DCUN1D5: variants seen among roughly 807,000 people sequenced by gnomAD.
The protein encoded by DCUN1D5 is defective in cullin neddylation 1 domain containing 5.
A neutral mutation model predicts 38.3 loss-of-function variants in DCUN1D5; 10 were observed. The observed-to-expected ratio is 0.26, with a 90% CI of 0.16 to 0.44. The LOEUF (loss-of-function observed/expected upper bound fraction) is 0.44, where lower values mean the gene tolerates loss of function less well. Ranked by LOEUF, DCUN1D5 falls within the 20% of genes least tolerant of loss-of-function variation. DCUN1D5 has a pLI of 1.00. For synonymous variants in DCUN1D5, 93 were observed against 90.9 expected (o/e 1.02, Z -0.13); for missense variants, 148 against 275.3 (o/e 0.54, Z 3.27).
In DCUN1D5 at chr11:103,060,516, G is replaced by C. The variant is rs545275422; in HGVS notation, c.*1843C>G. On this transcript the variant is annotated 3_prime_UTR_variant, in exon 8 of 8. Transcript: ENST00000260247. ...GGCAGGTTCCACAGGGATGACTGTAGGACTTAAGTATGCACAGATTTGGGT... is the reference window on the plus strand; with the variant it reads ...GGCAGGTTCCACAGGGATGACTGTACGACTTAAGTATGCACAGATTTGGGT... Among the ~76,000 whole-genome samples the C allele has an allele frequency of 3.0e-4, 46 of 152,204 alleles. No individual in the cohort carries two copies. The highest frequency in any genetic ancestry group is 5.7e-4 in the Non-Finnish European group (39 of 67,998).
Position 103,083,158 on chromosome 11 carries a change from T to A in DCUN1D5, c.249+98A>T. 1 of 675,486 alleles carries A rather than the reference T, an allele frequency of 1.5e-6. No homozygotes were observed. 41.8% of individuals were successfully genotyped at this position (675,486 alleles called of 1,614,324 possible). A position where few individuals can be genotyped will look rare whatever the true frequency, so the allele number is the denominator to read the frequency against. On this transcript the variant is annotated intron_variant, in intron 3 of 7. Coordinates refer to ENST00000260247, the MANE Select transcript of DCUN1D5 (RefSeq NM_032299.4). The surrounding 1 kb of genome is among the most constrained non-coding windows in gnomAD (Gnocchi z 4.4). Reference sequence around the variant, plus strand: ...ATTTACAATATTAAACATGAAGAAATAAAATCTTCATACAAGATTAAAGTG... The same window carrying A: ...ATTTACAATATTAAACATGAAGAAAAAAAATCTTCATACAAGATTAAAGTG...
rs1398395115 is a variant in DCUN1D5 at position 103,051,238 on chromosome 11, G to A, written c.*11121C>T. 6.6e-6 allele frequency: 1 copy of A among 152,014 alleles called. No homozygotes were observed. Among genetic ancestry groups the A allele is most frequent in the East Asian group, 1.9e-4 (1 of 5,192 alleles). The allele number at this position is 152,014 out of a possible 1,614,324, so 9.4% of individuals were successfully genotyped here. A position where few individuals can be genotyped will look rare whatever the true frequency, so the allele number is the denominator to read the frequency against. On this transcript the variant is annotated 3_prime_UTR_variant, in exon 8 of 8. Coordinates refer to ENST00000260247, the MANE Select transcript of DCUN1D5 (RefSeq NM_032299.4). ...ATGACCAAATTTAAAACAAATTACT[G>A]GTTAAGGAAAAAAATGACTCATTAG...
chr11:103,076,755 T>C (rs553209098), intron 4 of DCUN1D5, among the ~76,000 whole-genome samples: 1 of 152,356 alleles, frequency 6.6e-6, no homozygotes, highest in South Asian at 2.1e-4. Flanking sequence ...ATGTGTTAAA[T>C]GCTTAGCACA....
In DCUN1D5 at chr11:103,065,308, C is replaced by A. The variant is rs952901373; in HGVS notation, c.556-931G>T. 6.6e-6 allele frequency among the ~76,000 whole-genome samples: 1 copy of A among 152,072 alleles called. No individual in the cohort carries two copies. Among genetic ancestry groups the A allele is most frequent in the African/African-American group, 2.4e-5 (1 of 41,414 alleles). ...CTGGGACTACAGGCACAAACCACCA[C>A]ACCCAGCTAATTTTTTGTGTGTATT... On this transcript the variant is annotated intron_variant, in intron 6 of 7. Transcript: ENST00000260247. This position sits in a 1 kb window ranked among gnomAD's most constrained non-coding sequence, Gnocchi z 4.6.
chr11:103,089,847 T>C (rs894885472), intron 1 of DCUN1D5, among the ~76,000 whole-genome samples: 1 of 151,886 alleles, frequency 6.6e-6, no homozygotes, highest in Non-Finnish European at 1.5e-5. Flanking sequence ...TACACAGATT[T>C]AAAAAAAACA....
At chr11:103,085,762 T>G (rs1862690283) in intron 2 of DCUN1D5, among the ~76,000 whole-genome samples, 2 of 152,212 alleles carry the variant, frequency 1.3e-5, no homozygotes, top group Non-Finnish European at 2.9e-5. Flanking sequence ...TAAATTTAAT[T>G]AACTCTTTTG....
chr11:103,089,848 A>T (rs1011944668), intron 1 of DCUN1D5, among the ~76,000 whole-genome samples: 9 of 152,048 alleles, frequency 5.9e-5, no homozygotes, highest in East Asian at 3.9e-4. Context: ...ACACAGATTT[A>T]AAAAAAACAA....
intron 2 of DCUN1D5, among the ~76,000 whole-genome samples, chr11:103,088,166 T>C (rs1055413002): frequency 1.3e-5 from 2 of 152,276 alleles, no homozygotes; most frequent in South Asian, 2.1e-4. Flanking sequence ...TTCCATACAA[T>C]TAGCCTAAAC....
chr11:103,074,024 C>G (rs752337930), intron 4 of DCUN1D5, among the ~76,000 whole-genome samples: 2 of 152,004 alleles, frequency 1.3e-5, no homozygotes, highest in African/African-American at 2.4e-5. Context: ...CAGCCAAGAT[C>G]GCAGCACAGG....
Position 103,052,484 on chromosome 11 carries a change from T to C in DCUN1D5, c.*9875A>G, listed in dbSNP as rs1445500412. ...AACATGGTCTCTGTTCACAGAGCTG[T>C]TTCCTTTTTAAGGATCATAATCTTC... On this transcript the variant is annotated 3_prime_UTR_variant, in exon 8 of 8. Coordinates refer to ENST00000260247, the MANE Select transcript of DCUN1D5 (RefSeq NM_032299.4). The C allele has an allele frequency of 6.6e-6, 1 of 152,186 alleles. No homozygotes were observed. The highest frequency in any genetic ancestry group is 6.5e-5 in the Admixed American group (1 of 15,276). 9.4% of individuals were successfully genotyped at this position (152,186 alleles called of 1,614,324 possible). A position where few individuals can be genotyped will look rare whatever the true frequency, so the allele number is the denominator to read the frequency against.
Position 103,087,328 on chromosome 11 carries a change from G to A in DCUN1D5, c.178+1899C>T, listed in dbSNP as rs576832491. Among the ~76,000 whole-genome samples, 2 of 151,882 alleles carry A rather than the reference G, an allele frequency of 1.3e-5. No individual in the cohort carries two copies. Among genetic ancestry groups the A allele is most frequent in the East Asian group, 3.9e-4 (2 of 5,164 alleles). On this transcript the variant is annotated intron_variant, in intron 2 of 7. Coordinates refer to ENST00000260247, the MANE Select transcript of DCUN1D5 (RefSeq NM_032299.4). The surrounding 1 kb of genome is among the most constrained non-coding windows in gnomAD (Gnocchi z 4.1). ...TGGGACTACAGGCGCACACCACCAC[G>A]CCCGGCTAATTGTTTGTGTTTTTGG...
In DCUN1D5 at chr11:103,090,316, A is replaced by T. The variant is rs370017412; in HGVS notation, c.87-998T>A. Among the ~76,000 whole-genome samples, 213 of 152,340 alleles carry T rather than the reference A, an allele frequency of 1.4e-3. 2 individuals carry two copies. Among genetic ancestry groups the T allele is most frequent in the African/African-American group, 5.0e-3 (208 of 41,574 alleles). On this transcript the variant is annotated intron_variant, in intron 1 of 7. Coordinates refer to ENST00000260247, the MANE Select transcript of DCUN1D5 (RefSeq NM_032299.4). ...TGAGCTACTAAAGTAACCATGTCAA[A>T]TTCTAATGTTGACAAACAAGAGGTG...
In DCUN1D5 at chr11:103,083,253, T is replaced by C; in HGVS notation, c.249+3A>G. On this transcript the variant is annotated splice_donor_region_variant and intron_variant, in intron 3 of 7. Coordinates refer to ENST00000260247, the MANE Select transcript of DCUN1D5 (RefSeq NM_032299.4). The surrounding 1 kb of genome is among the most constrained non-coding windows in gnomAD (Gnocchi z 4.4). ...TGCCATTCTACTTAGAAATAAAACATACATTTTCAGGTTCAACACCAATGT... is the reference window on the plus strand; with the variant it reads ...TGCCATTCTACTTAGAAATAAAACACACATTTTCAGGTTCAACACCAATGT... 1 of 1,531,840 alleles carries C rather than the reference T, an allele frequency of 6.5e-7. No individual in the cohort carries two copies. The highest frequency in any genetic ancestry group is 9.0e-7 in the Non-Finnish European group (1 of 1,106,492). 94.9% of individuals were successfully genotyped at this position (1,531,840 alleles called of 1,614,324 possible).
intron 4 of DCUN1D5, among the ~76,000 whole-genome samples, chr11:103,080,980 G>A (rs1248521065): frequency 6.6e-6 from 1 of 151,434 alleles, no homozygotes; most frequent in Non-Finnish European, 1.5e-5. Flanking sequence ...CTGTACTGTA[G>A]CCTGGCGACA....
At position 103,062,536 on chromosome 11, in the gene DCUN1D5, C is replaced by T; in HGVS notation, c.659-122G>A. The T allele has an allele frequency of 1.3e-6, 1 of 777,886 alleles. No homozygotes were observed. The highest frequency in any genetic ancestry group is 2.7e-5 in the Admixed American group (1 of 37,596). The allele number at this position is 777,886 out of a possible 1,614,324, so 48.2% of individuals were successfully genotyped here. The stretch of plus-strand genomic sequence containing the variant: ...ACCCTTCCTTTCTTTGGGTGTTCTG[C>T]TTCTAGACACCTTATTCCATTTAAT... On this transcript the variant is annotated intron_variant, in intron 7 of 7. Coordinates refer to ENST00000260247, the MANE Select transcript of DCUN1D5 (RefSeq NM_032299.4). This position sits in a 1 kb window ranked among gnomAD's most constrained non-coding sequence, Gnocchi z 4.6.
chr11:103,066,521 A>T lies in DCUN1D5; in HGVS notation c.388T>A (p.Ser130Thr). Residue 130 changes from serine (S) to threonine (T), a missense_variant, in exon 5 of 8, where the codon TCA becomes ACA. Ser to Thr is a moderately conservative substitution (Grantham distance 58). Coordinates refer to ENST00000260247, the MANE Select transcript of DCUN1D5 (RefSeq NM_032299.4). The surrounding 1 kb of genome is among the most constrained non-coding windows in gnomAD (Gnocchi z 4.7). ...AATGACGAAATATCATTCAACTGTG[A>T]GCGCAAAAAGTCAAATTTGTTTTGT... The part of the protein sequence containing the change: ...KLQNKFDFLR[S>T]QLNDISSFKN... 1 of 1,612,648 alleles carries T rather than the reference A, an allele frequency of 6.2e-7. No homozygotes were observed. The highest frequency in any genetic ancestry group is 8.5e-7 in the Non-Finnish European group (1 of 1,179,208).
At chr11:103,070,766 TAC>T (rs981703349) in intron 4 of DCUN1D5, among the ~76,000 whole-genome samples, 3 of 152,116 alleles carry the variant, frequency 2.0e-5, no homozygotes, top group African/African-American at 7.2e-5. Flanking sequence ...GACAACAGAA[TAC>T]ACATTCTTTT....
rs1198325814 is a variant in DCUN1D5 at position 103,083,838 on chromosome 11, A to G, written c.179-512T>C. Among the ~76,000 whole-genome samples, 1 of 152,168 alleles carries G rather than the reference A, an allele frequency of 6.6e-6. No individual in the cohort carries two copies. Among genetic ancestry groups the G allele is most frequent in the East Asian group, 1.9e-4 (1 of 5,196 alleles). On this transcript the variant is annotated intron_variant, in intron 2 of 7. Coordinates refer to ENST00000260247, the MANE Select transcript of DCUN1D5 (RefSeq NM_032299.4). The surrounding 1 kb of genome is among the most constrained non-coding windows in gnomAD (Gnocchi z 4.4). ...ATATAATTTAATTATTGAAAAAGAC[A>G]AAGGTATTTTGAAAATAATGACTTA...
chr11:103,089,357 C>G (rs775661662), intron 1 of DCUN1D5, 39 bp from the exon 2 acceptor site: 1 of 1,519,272 alleles, frequency 6.6e-7, no homozygotes. Context: ...TTTATCACAT[C>G]TCAACTCTTA....
Sources: allele counts gnomAD v4.1 joint callset (sites outside exome capture counted in the v4.1 genomes callset), GRCh38; gene constraint gnomAD v4.1.1; non-coding constraint Gnocchi (gnomAD v3.1); transcripts MANE v1.5; gene names NCBI Gene and HGNC (gene_info 2026-07-23, HGNC 2026-07-21).